Variants in RYR2 observed in about 807,000 individuals in gnomAD.
RYR2 encodes the protein ryanodine receptor 2.
RYR2 carries 227 observed loss-of-function variants against 601.1 expected under a neutral mutation model. That is an observed-to-expected ratio of 0.38 (90% CI 0.34 to 0.42). The LOEUF (loss-of-function observed/expected upper bound fraction) is 0.42, where lower values mean the gene tolerates loss of function less well. Ranked by LOEUF, RYR2 falls within the 10% of genes least tolerant of loss-of-function variation. The pLI is 1.00. For synonymous variants in RYR2, 2,223 were observed against 2,175.1 expected, an observed-to-expected ratio of 1.02 and a Z score of -0.61; for missense variants, 4,646 against 6,156.5, an observed-to-expected ratio of 0.75 and a Z score of 8.21.
intron 1 of RYR2, among the ~76,000 whole-genome samples, chr1:237,211,916 A>T (rs1258576430): frequency 6.6e-6 from 1 of 152,210 alleles, no homozygotes; most frequent in East Asian, 1.9e-4. Context: ...TACAATAAAA[A>T]TAATTATTGA....
Position 237,746,063 on chromosome 1 carries a change from C to T in RYR2, c.11145+3714C>T, listed in dbSNP as rs544843630. On this transcript the variant is annotated intron_variant, in intron 80 of 104. Coordinates refer to ENST00000366574, the MANE Select transcript of RYR2 (RefSeq NM_001035.3). ...AACAGAGATATATATAATTAATTCC[C>T]TATAAAGATACTCTTCTCTGAGGTT... 2.0e-5 allele frequency among the ~76,000 whole-genome samples: 3 copies of T among 152,120 alleles called. No homozygotes were observed. The South Asian group carries it at 6.2e-4, about 32-fold the overall frequency.
chr1:237,353,115 C>G (rs1171706763), intron 3 of RYR2, among the ~76,000 whole-genome samples: 1 of 152,086 alleles, frequency 6.6e-6, no homozygotes, highest in Non-Finnish European at 1.5e-5. Context: ...TGGCTCAAAG[C>G]CTGCCACATG....
At chr1:237,493,398 T>C (rs1212924882) in intron 19 of RYR2, among the ~76,000 whole-genome samples, 2 of 152,194 alleles carry the variant, frequency 1.3e-5, no homozygotes, top group African/African-American at 4.8e-5. Flanking sequence ...TTGTATATAA[T>C]TGTACTTTAC....
chr1:237,469,161 GATTGGAA>G lies in RYR2; in HGVS notation c.1684_1690del (p.Leu562AspfsTer16). On this transcript the variant is annotated frameshift_variant, in exon 17 of 105. Coordinates refer to ENST00000366574, the MANE Select transcript of RYR2 (RefSeq NM_001035.3). LOFTEE classifies it high-confidence loss of function. ...GGCTCCCTCGACTGGTTGATCAGCAGATTGGAAAGACTGGAAGCTTCTTCAGGTATGT... is the reference window on the plus strand; with the variant it reads ...GGCTCCCTCGACTGGTTGATCAGCAGAGACTGGAAGCTTCTTCAGGTATGT... The G allele has an allele frequency of 6.3e-7, 1 of 1,592,510 alleles. No homozygotes were observed. Among genetic ancestry groups the G allele is most frequent in the East Asian group, 2.3e-5 (1 of 43,496 alleles).
chr1:237,087,815 A>C (rs2148441281), intron 1 of RYR2, among the ~76,000 whole-genome samples: 1 of 152,288 alleles, frequency 6.6e-6, no homozygotes, highest in African/African-American at 2.4e-5. Flanking sequence ...TAAAAATGTG[A>C]GAAAGTCTCC....
chr1:237,434,566 T>A (rs1260408966), intron 12 of RYR2, among the ~76,000 whole-genome samples: 1 of 152,214 alleles, frequency 6.6e-6, no homozygotes, highest in Non-Finnish European at 1.5e-5. Context: ...AAGGCAGGTC[T>A]TGCCAATCAT....
chr1:237,269,036 C>A, intron 1 of RYR2, among the ~76,000 whole-genome samples: 1 of 112,204 alleles, frequency 8.9e-6, no homozygotes, highest in African/African-American at 3.4e-5. Context: ...ATTTATATAG[C>A]ATATTCTTTT....
At chr1:237,207,872 T>C (rs1681993483) in intron 1 of RYR2, among the ~76,000 whole-genome samples, 1 of 152,226 alleles carries the variant, frequency 6.6e-6, no homozygotes, top group South Asian at 2.1e-4. Flanking sequence ...TTGTAAAAAC[T>C]GCAATTACGT....
intron 1 of RYR2, among the ~76,000 whole-genome samples, chr1:237,063,241 G>C (rs1163407631): frequency 6.6e-6 from 1 of 152,174 alleles, no homozygotes; most frequent in African/African-American, 2.4e-5. Flanking sequence ...ACACTTCCCA[G>C]CCTCCAGAAT....
rs562225822 is a variant in RYR2 at position 237,450,869 on chromosome 1, T to G, written c.1293-3522T>G. Among the ~76,000 whole-genome samples the G allele has an allele frequency of 4.6e-5, 7 of 152,328 alleles. No individual in the cohort carries two copies. In the South Asian group the frequency reaches 1.4e-3, roughly 32 times the overall value. ...TCTTTCTCTTGTGCTTAACTGACCTTAATCATGTATTAGCTTTTTCAAAAA... is the reference window on the plus strand; with the variant it reads ...TCTTTCTCTTGTGCTTAACTGACCTGAATCATGTATTAGCTTTTTCAAAAA... On this transcript the variant is annotated intron_variant, in intron 14 of 104. Transcript: ENST00000366574.
chr1:237,512,159 A>G (rs1288164964), intron 24 of RYR2, among the ~76,000 whole-genome samples: 1 of 152,184 alleles, frequency 6.6e-6, no homozygotes. Flanking sequence ...ATAAGATATT[A>G]AGAGCAAGTG....
At position 237,699,013 on chromosome 1, in the gene RYR2, C is replaced by T. The variant is rs1175249332; in HGVS notation, c.9116C>T (p.Thr3039Ile). ...AACTGTCTTCATATTTTGGGTCAGACTTTGGATGCAAGGTAAATGGATACA... is the reference window on the plus strand; with the variant it reads ...AACTGTCTTCATATTTTGGGTCAGATTTTGGATGCAAGGTAAATGGATACA... ...IVNCLHILGQ[T>I]LDARTVMKTG... The change falls in exon 64 of 105, where the codon ACT (threonine) becomes ATT (isoleucine). Residue 3039 changes from threonine to isoleucine, a missense_variant. Physicochemically the swap from Thr to Ile is moderately conservative, Grantham distance 89. Around this residue, in one of 17 missense-constraint regions of RYR2, gnomAD observed 1,497 missense variants for 1,842.6 expected, o/e 0.81. Coordinates refer to ENST00000366574, the MANE Select transcript of RYR2 (RefSeq NM_001035.3). 1.3e-6 allele frequency: 2 copies of T among 1,527,862 alleles called. No homozygotes were observed. The highest frequency in any genetic ancestry group is 1.8e-6 in the Non-Finnish European group (2 of 1,121,520). The allele number at this position is 1,527,862 out of a possible 1,614,324, so 94.6% of individuals were successfully genotyped here.
At chr1:237,626,326 C>T (rs894724263) in intron 40 of RYR2, among the ~76,000 whole-genome samples, 2 of 152,008 alleles carry the variant, frequency 1.3e-5, no homozygotes, top group African/African-American at 4.8e-5. Flanking sequence ...GGGATCCAGC[C>T]TACTTTTTAC....
chr1:237,789,430 A>C (rs1658071572), intron 92 of RYR2, among the ~76,000 whole-genome samples: 1 of 148,350 alleles, frequency 6.7e-6, no homozygotes, highest in African/African-American at 2.5e-5. Context: ...TGTTTAATAC[A>C]GAGTTCACTG....
intron 3 of RYR2, chr1:237,341,677 G>GC (rs753791811): frequency 1.9e-6 from 1 of 514,592 alleles, no homozygotes; most frequent in Non-Finnish European, 3.9e-6. Context: ...TGGAGGGACT[G>GC]CAAGATGGAA....
intron 48 of RYR2, among the ~76,000 whole-genome samples, chr1:237,647,301 G>A (rs1449509061): frequency 6.6e-6 from 1 of 152,152 alleles, no homozygotes; most frequent in Non-Finnish European, 1.5e-5. Context: ...CATTGAATAA[G>A]AGTCATGATA....
intron 79 of RYR2, among the ~76,000 whole-genome samples, chr1:237,737,290 T>C (rs1691232987): frequency 6.6e-6 from 1 of 152,204 alleles, no homozygotes; most frequent in Admixed American, 6.5e-5. Flanking sequence ...AATAATCATA[T>C]TCATTTTATT....
intron 1 of RYR2, among the ~76,000 whole-genome samples, chr1:237,122,713 CAAAA>C (rs1312789059): frequency 7.2e-6 from 1 of 139,088 alleles, no homozygotes; most frequent in Non-Finnish European, 1.6e-5. Flanking sequence ...AACAAACAAA[CAAAA>C]CTTAAACTCT....
At position 237,596,177 on chromosome 1, in the gene RYR2, T is replaced by C. The variant is rs6675288; in HGVS notation, c.4596+520T>C. ...ACATGACTCCTCCAAAGGAACACAA[T>C]AATTCTCTAGTAACAGATCCCCCTC... On this transcript the variant is annotated intron_variant, in intron 34 of 104. Coordinates refer to ENST00000366574, the MANE Select transcript of RYR2 (RefSeq NM_001035.3). 6.3e-3 allele frequency among the ~76,000 whole-genome samples: 960 copies of C among 152,164 alleles called. 12 individuals carry two copies. The highest frequency in any genetic ancestry group is 0.022 in the African/African-American group (911 of 41,530).
Sources: gnomAD v4.1 joint callset for allele counts (sites outside exome capture counted in the v4.1 genomes callset) on GRCh38, gnomAD v4.1.1 for gene constraint, gnomAD v4.1.1 regional missense constraint, MANE v1.5 for transcripts, NCBI Gene and HGNC (gene_info 2026-07-23, HGNC 2026-07-21) for gene names.